The following BMAL2 variants were observed in gnomAD, a reference collection of about 807,000 sequenced individuals.
BMAL2 encodes the protein basic helix-loop-helix ARNT-like protein 2.
the BMAL2 span, chr12:27,403,681 C>T: frequency 2.0e-5 from 9 of 444,308 alleles, no homozygotes; most frequent in Non-Finnish European, 3.9e-6. Flanking sequence ...ACAGTAGCAA[C>T]AAAAAGATAT....
At chr12:27,401,328 A>ATGACC in the BMAL2 span, 3 of 1,614,112 alleles carry the variant, frequency 1.9e-6, no homozygotes, top group Non-Finnish European at 2.5e-6. Flanking sequence ...TTTCATCAAG[A>ATGACC]TGACCACAAT....
At chr12:27,380,470 T>G in the BMAL2 span, 1 of 1,554,162 alleles carries the variant, frequency 6.4e-7, no homozygotes, top group East Asian at 2.2e-5. Flanking sequence ...GGTCTCTGAT[T>G]GGTTCGCTTT....
chr12:27,387,502 G>A, the BMAL2 span, among the ~76,000 whole-genome samples: 1 of 152,150 alleles, frequency 6.6e-6, no homozygotes, highest in African/African-American at 2.4e-5. Flanking sequence ...GACTGATTGC[G>A]TTCCCTTCCT....
the BMAL2 span, among the ~76,000 whole-genome samples, chr12:27,415,077 A>T: frequency 6.6e-6 from 1 of 152,202 alleles, no homozygotes; most frequent in African/African-American, 2.4e-5. Flanking sequence ...CAGGGAGGGC[A>T]TGGAAATGGG....
chr12:27,395,612 G>A, the BMAL2 span, among the ~76,000 whole-genome samples: 1 of 152,022 alleles, frequency 6.6e-6, no homozygotes, highest in African/African-American at 2.4e-5. Context: ...TCAAATTTTA[G>A]TCCTTCCATG....
At chr12:27,394,903 C>A in the BMAL2 span, among the ~76,000 whole-genome samples, 1 of 152,222 alleles carries the variant, frequency 6.6e-6, no homozygotes, top group Non-Finnish European at 1.5e-5. Context: ...GAGCACACAA[C>A]AAGTTGGTGT....
chr12:27,346,494 C>T, the BMAL2 span, among the ~76,000 whole-genome samples: 1 of 152,158 alleles, frequency 6.6e-6, no homozygotes, highest in Non-Finnish European at 1.5e-5. Flanking sequence ...AACTCCTGAC[C>T]TCAGGTGATC....
At chr12:27,395,024 G>A in the BMAL2 span, among the ~76,000 whole-genome samples, 1 of 152,230 alleles carries the variant, frequency 6.6e-6, no homozygotes, top group Admixed American at 6.5e-5. Context: ...TGTTGTTGAA[G>A]CTACCAAGTC....
At chr12:27,380,957 G>A in the BMAL2 span, among the ~76,000 whole-genome samples, 3 of 150,410 alleles carry the variant, frequency 2.0e-5, no homozygotes, top group Non-Finnish European at 4.4e-5. Context: ...CTGCACTCCA[G>A]CCTGGGTGAC....
the BMAL2 span, among the ~76,000 whole-genome samples, chr12:27,339,477 C>T: frequency 2.0e-5 from 3 of 152,108 alleles, no homozygotes; most frequent in African/African-American, 4.8e-5. Context: ...ACACAGTAAT[C>T]GGATTGCTGA....
the BMAL2 span, among the ~76,000 whole-genome samples, chr12:27,337,871 T>C: frequency 6.6e-6 from 1 of 152,344 alleles, no homozygotes; most frequent in Non-Finnish European, 1.5e-5. Flanking sequence ...CAAATGATTT[T>C]CCCCTTTTCC....
chr12:27,410,144 G>C, the BMAL2 span, among the ~76,000 whole-genome samples: 1 of 151,958 alleles, frequency 6.6e-6, no homozygotes, highest in South Asian at 2.1e-4. Context: ...TACACTGTTG[G>C]TGGGACTGTA....
the BMAL2 span, among the ~76,000 whole-genome samples, chr12:27,377,200 C>T: frequency 1.2e-4 from 18 of 152,252 alleles, no homozygotes; most frequent in South Asian, 2.5e-3. Flanking sequence ...ATGGCAGTAA[C>T]TGTACACAGA....
At chr12:27,401,722 C>T in the BMAL2 span, 1 of 1,374,606 alleles carries the variant, frequency 7.3e-7, no homozygotes, top group Non-Finnish European at 9.9e-7. Context: ...TCAAATGAGT[C>T]TCTTTGCTTT....
chr12:27,343,278 T>TA, the BMAL2 span, among the ~76,000 whole-genome samples: 4 of 152,218 alleles, frequency 2.6e-5, no homozygotes, highest in Admixed American at 6.5e-5. Context: ...CTTCCTTTTT[T>TA]AAAAAAAGGC....
At chr12:27,362,874 A>G in the BMAL2 span, among the ~76,000 whole-genome samples, 3 of 151,884 alleles carry the variant, frequency 2.0e-5, no homozygotes, top group Non-Finnish European at 2.9e-5. Flanking sequence ...AGTGCAGCAC[A>G]CTCACTGTAA....
chr12:27,358,336 A>T, the BMAL2 span, among the ~76,000 whole-genome samples: 1 of 151,908 alleles, frequency 6.6e-6, no homozygotes, highest in Non-Finnish European at 1.5e-5. Flanking sequence ...TCAAAACCAC[A>T]GTGTGATACC....
the BMAL2 span, among the ~76,000 whole-genome samples, chr12:27,375,789 G>A: frequency 9.2e-5 from 14 of 152,094 alleles, no homozygotes; most frequent in East Asian, 3.8e-4. Context: ...TTTAGTAATC[G>A]TCTGCTGAGT....
the BMAL2 span, among the ~76,000 whole-genome samples, chr12:27,416,800 A>AT: frequency 1.3e-5 from 2 of 152,098 alleles, no homozygotes; most frequent in African/African-American, 4.8e-5. Flanking sequence ...TCTAAAAAAG[A>AT]TTTTTTAAAA....
Sources: allele counts gnomAD v4.1 joint callset (sites outside exome capture counted in the v4.1 genomes callset), GRCh38; gene constraint gnomAD v4.1.1; transcripts MANE v1.5; gene names NCBI Gene and HGNC (gene_info 2026-07-23, HGNC 2026-07-21).